Variants in FAM98C observed in about 807,000 individuals in gnomAD.
FAM98C encodes the protein tRNA splicing ligase complex subunit 3C.
FAM98C carries 38 observed loss-of-function variants against 41.1 expected under a neutral mutation model. The ratio of observed to expected loss-of-function variants is 0.92; its 90% CI spans 0.71 to 1.21. The LOEUF is 1.21. FAM98C is among the 50% of genes most tolerant of loss of function. FAM98C has a pLI of 0.00. For missense variants in FAM98C, 493 were observed against 484.7 expected (o/e 1.02, Z -0.16); for synonymous variants, 195 against 216.7 (o/e 0.90, Z 0.88).
intron 6 of FAM98C, 67 bp from the exon 7 acceptor site, chr19:38,406,843 C>G (rs1352277436): frequency 1.3e-6 from 2 of 1,525,272 alleles, no homozygotes; most frequent in Non-Finnish European, 1.8e-6. Context: ...AGTAATGCTT[C>G]CAAGATGACA....
At chr19:38,406,680 G>A (rs1312527888) in intron 6 of FAM98C, 1 of 458,610 alleles carries the variant, frequency 2.2e-6, no homozygotes. Flanking sequence ...AGTTACTCAG[G>A]AGGCTAAGGT....
rs369190079 is a variant in FAM98C, at chr19:38,403,654, G to T, written c.309G>T (p.Ala103=). 2.4e-3 allele frequency: 3,350 copies of T among 1,408,518 alleles called. 5 individuals carry two copies. The highest frequency in any genetic ancestry group is 2.8e-3 in the Non-Finnish European group (3,099 of 1,090,744). 87.3% of individuals were successfully genotyped at this position (1,408,518 alleles called of 1,614,324 possible). The change falls in exon 3 of 8, where the codon GCG becomes GCT. Residue 103 remains alanine, a synonymous_variant. Transcript: ENST00000252530. ...PDRALCGGDG[A]AALREPGAGL... is the part of the protein sequence containing the mutation. ...GCGCGCTCTGCGGCGGGGATGGCGC[G>T]GCTGCGCTTCGGGAACCCGGTGCCG... is the stretch of plus-strand genomic sequence containing the variant.
chr19:38,408,558 C>CA (rs1305046629), intron 7 of FAM98C, 193 bp from the exon 8 acceptor site: 65 of 668,232 alleles, frequency 9.7e-5, no homozygotes, highest in Admixed American at 1.5e-4. Flanking sequence ...GACTCCGTCT[C>CA]AAAAAAAAGA....
At chr19:38,404,359 A>ATTTTG (rs756341980) in intron 3 of FAM98C, among the ~76,000 whole-genome samples, 2 of 151,452 alleles carry the variant, frequency 1.3e-5, no homozygotes, top group Non-Finnish European at 2.9e-5. Flanking sequence ...AAGGTGGAGG[A>ATTTTG]TTTTGTTTTG....
At chr19:38,405,737 G>T in intron 6 of FAM98C, 102 bp downstream of exon 6, 1 of 1,102,736 alleles carries the variant, frequency 9.1e-7, no homozygotes, top group Non-Finnish European at 1.4e-6. Flanking sequence ...CCTCTTGCAG[G>T]TTCTCAGGCC....
chr19:38,407,367 T>C (rs868377679), intron 7 of FAM98C: 3 of 354,106 alleles, frequency 8.5e-6, no homozygotes, highest in South Asian at 4.4e-5. Flanking sequence ...CTATTTGTTG[T>C]TTTTTAACCT....
Position 38,408,935 on chromosome 19 carries a change from C to T in FAM98C, c.*53C>T, listed in dbSNP as rs539293874. ...GTCCTCCATGAGATGCTAATGCTAT[C>T]GGTAATCTCTGGGGAGTCCGTTTAA... On this transcript the variant is annotated 3_prime_UTR_variant, in exon 8 of 8. Transcript: ENST00000252530. 55 of 1,520,246 alleles carry T rather than the reference C, an allele frequency of 3.6e-5. No individual in the cohort carries two copies. The highest frequency in any genetic ancestry group is 8.4e-5 in the African/African-American group (6 of 71,562). 94.2% of individuals were successfully genotyped at this position (1,520,246 alleles called of 1,614,324 possible). A position where few individuals can be genotyped will look rare whatever the true frequency, so the allele number is the denominator to read the frequency against.
intron 3 of FAM98C, among the ~76,000 whole-genome samples, chr19:38,404,234 G>C (rs1426127749): frequency 6.6e-6 from 1 of 152,144 alleles, no homozygotes; most frequent in Admixed American, 6.5e-5. Flanking sequence ...AGCTCAAGTG[G>C]GTTGGATTAG....
chr19:38,405,883 G>T (rs1971033321), intron 6 of FAM98C: 6 of 448,512 alleles, frequency 1.3e-5, no homozygotes, highest in Admixed American at 3.7e-5. Flanking sequence ...TTTGAGACGG[G>T]GTCTCACTCT....
intron 7 of FAM98C, 100 bp from the exon 8 acceptor site, chr19:38,408,651 C>T (rs1388544324): frequency 6.7e-7 from 1 of 1,499,772 alleles, no homozygotes; most frequent in Non-Finnish European, 9.3e-7. Flanking sequence ...TAGTCAACAT[C>T]TGCTGTTTCT....
chr19:38,408,631 T>C (rs1329663446), intron 7 of FAM98C, 120 bp from the exon 8 acceptor site: 5 of 1,307,584 alleles, frequency 3.8e-6, no homozygotes, highest in Non-Finnish European at 5.5e-6. Flanking sequence ...CCCCAGCCAC[T>C]GTACTCAAAT....
At chr19:38,406,414 G>A (rs1204707667) in intron 6 of FAM98C, 3 of 153,236 alleles carry the variant, frequency 2.0e-5, no homozygotes, top group African/African-American at 7.2e-5. Context: ...TGCCTGCCTT[G>A]GCCTTCCAAG....
In FAM98C at chr19:38,405,148, C is replaced by T. The variant is rs747883139; in HGVS notation, c.555+35C>T. 3 of 1,584,272 alleles carry T rather than the reference C, an allele frequency of 1.9e-6. No individual in the cohort carries two copies. In the East Asian group the frequency reaches 6.8e-5, roughly 36 times the overall value. ...CAGAGTCCCCTCCCGACCTGGGCTA[C>T]CCCACTTTCCTTGTGGGGGTGGGGG... On this transcript the variant is annotated intron_variant, in intron 4 of 7. Coordinates refer to ENST00000252530, the MANE Select transcript of FAM98C (RefSeq NM_174905.4).
chr19:38,404,539 CT>C (rs979828992), intron 3 of FAM98C, among the ~76,000 whole-genome samples: 7 of 147,916 alleles, frequency 4.7e-5, no homozygotes, highest in Admixed American at 6.8e-5. Flanking sequence ...GGTGGAGCCT[CT>C]TTTTTTTTTG....
chr19:38,404,717 G>A (rs1971013759), intron 3 of FAM98C, 191 bp from the exon 4 acceptor site: 1 of 624,650 alleles, frequency 1.6e-6, no homozygotes, highest in South Asian at 1.7e-5. Flanking sequence ...TTTTAGTAGA[G>A]ACACAGTTTC....
chr19:38,408,746 C>T lies in FAM98C; in HGVS notation c.919-5C>T. On this transcript the variant is annotated splice_region_variant and splice_polypyrimidine_tract_variant and intron_variant, in intron 7 of 7. Transcript: ENST00000252530. Reference sequence around the variant, plus strand: ...CTCTGCAACTCAAATCTCATAAACTCTCAGGTGCTTATGGGCAACGTTCCA... The same window carrying T: ...CTCTGCAACTCAAATCTCATAAACTTTCAGGTGCTTATGGGCAACGTTCCA... 1 of 1,614,128 alleles carries T rather than the reference C, an allele frequency of 6.2e-7. No homozygotes were observed. Among genetic ancestry groups the T allele is most frequent in the Non-Finnish European group, 8.5e-7 (1 of 1,180,022 alleles).
chr19:38,405,611 T>G lies in FAM98C; in HGVS notation c.726T>G (p.Ala242=), dbSNP rs928999588. The part of the protein sequence containing the change: ...LLKRLDLTTS[A]FHWSDRAEAQ... ...AGCGCCTTGACCTCACTACATCTGC[T>G]TTCCACTGGAGTGACCGGGCAGAGG... The change falls in exon 6 of 8, where the codon GCT becomes GCG. Residue 242 remains alanine, a synonymous_variant. Coordinates refer to ENST00000252530, the MANE Select transcript of FAM98C (RefSeq NM_174905.4). 5 of 1,614,150 alleles carry G rather than the reference T, an allele frequency of 3.1e-6. No homozygotes were observed. The highest frequency in any genetic ancestry group is 4.2e-6 in the Non-Finnish European group (5 of 1,180,024).
At position 38,406,906 on chromosome 19, in the gene FAM98C, C is replaced by T; in HGVS notation, c.751-4C>T. 6.2e-7 allele frequency: 1 copy of T among 1,613,516 alleles called. No individual in the cohort carries two copies. The highest frequency in any genetic ancestry group is 8.5e-7 in the Non-Finnish European group (1 of 1,179,454). On this transcript the variant is annotated splice_polypyrimidine_tract_variant and splice_region_variant and intron_variant, in intron 6 of 7. Transcript: ENST00000252530. ...TACCTTCTCTTACCTCCTCCCCACT[C>T]CAGGCCCAAGGAGAGGCCATGAGGG... is the stretch of plus-strand genomic sequence containing the variant.
intron 7 of FAM98C, 193 bp from the exon 8 acceptor site, chr19:38,408,558 C>A: frequency 3.0e-6 from 2 of 668,526 alleles, no homozygotes. Context: ...GACTCCGTCT[C>A]AAAAAAAAGA....
Sources: gnomAD v4.1 joint callset for allele counts (sites outside exome capture counted in the v4.1 genomes callset) on GRCh38, gnomAD v4.1.1 for gene constraint, MANE v1.5 for transcripts, NCBI Gene and HGNC (gene_info 2026-07-23, HGNC 2026-07-21) for gene names.